The following USP38 variants were observed in gnomAD, a reference collection of about 807,000 sequenced individuals.
The protein encoded by USP38 is ubiquitin specific peptidase 38, also known as ubiquitin carboxyl-terminal hydrolase 38.
A neutral mutation model predicts 94.3 loss-of-function variants in USP38; 49 were observed. That is an observed-to-expected ratio of 0.52 (90% CI 0.41 to 0.66). The LOEUF is 0.66. USP38 is among the 30% of genes least tolerant of loss of function. USP38 has a pLI of 0.00. For missense variants in USP38, 1,128 were observed against 1,229.4 expected (o/e 0.92, Z 1.23); for synonymous variants, 468 against 463.6 (o/e 1.01, Z -0.12).
At position 143,195,734 on chromosome 4, in the gene USP38, C is replaced by A; in HGVS notation, c.837C>A (p.Ser279=). The part of the protein sequence containing the change: ...QALCRMIDWL[S]WPLAQHVDTW... The stretch of plus-strand genomic sequence containing the variant: ...ATTTCAGAATGATTGACTGGCTATC[C>A]TGGCCATTGGCTCAGCATGTGGATA... The change falls in exon 3 of 10, where the codon TCC becomes TCA. Residue 279 remains serine, a synonymous_variant. Coordinates refer to ENST00000307017, the MANE Select transcript of USP38 (RefSeq NM_032557.6). 2.5e-6 allele frequency: 4 copies of A among 1,602,724 alleles called. No homozygotes were observed. Among genetic ancestry groups the A allele is most frequent in the Non-Finnish European group, 3.4e-6 (4 of 1,175,898 alleles).
At position 143,195,919 on chromosome 4, in the gene USP38, C is replaced by T. The variant is rs1193758078; in HGVS notation, c.948+74C>T. On this transcript the variant is annotated intron_variant, in intron 3 of 9. Transcript: ENST00000307017. ...AATATTTTTTTCTTTGGGTGGTATC[C>T]TTGAAAGCATCTAATTTTGAATATG... 7 of 1,324,526 alleles carry T rather than the reference C, an allele frequency of 5.3e-6. No homozygotes were observed. The Admixed American group carries it at 1.1e-4, about 20-fold the overall frequency. 82.0% of individuals were successfully genotyped at this position (1,324,526 alleles called of 1,614,324 possible). A position where few individuals can be genotyped will look rare whatever the true frequency, so the allele number is the denominator to read the frequency against.
chr4:143,217,205 T>A (rs1420862027), intron 9 of USP38, among the ~76,000 whole-genome samples: 1 of 152,182 alleles, frequency 6.6e-6, no homozygotes, highest in Non-Finnish European at 1.5e-5. Context: ...AAGTACATGT[T>A]AAAAGACTAC....
At chr4:143,186,871 C>T (rs75726354) in intron 1 of USP38, among the ~76,000 whole-genome samples, 8,932 of 152,222 alleles carry the variant, frequency 0.059, 778 homozygotes, top group African/African-American at 0.19. Flanking sequence ...AAATCATGTT[C>T]ATTTCCGCTC....
Position 143,220,417 on chromosome 4 carries a change from T to C in USP38, c.3090T>C (p.Gly1030=), listed in dbSNP as rs1218214760. 2.5e-6 allele frequency: 4 copies of C among 1,612,334 alleles called. No homozygotes were observed. The African/African-American group carries it at 5.4e-5, about 22-fold the overall frequency. Residue 1030 remains glycine, a synonymous_variant, in exon 10 of 10, where the codon GGT becomes GGC. Coordinates refer to ENST00000307017, the MANE Select transcript of USP38 (RefSeq NM_032557.6). ...GCTGTGGACCAACTGGTGGAGGGGGTGGAGGAGGATTTAATACAGTTGGCA... is the reference window on the plus strand; with the variant it reads ...GCTGTGGACCAACTGGTGGAGGGGGCGGAGGAGGATTTAATACAGTTGGCA... ...PGSCGPTGGG[G]GGGFNTVGRL...
intron 6 of USP38, 53 bp from the exon 7 acceptor site, chr4:143,209,511 T>A: frequency 4.7e-6 from 5 of 1,068,948 alleles, no homozygotes; most frequent in Non-Finnish European, 6.6e-6. Context: ...AAGCTTTTAA[T>A]AAATGCATGT....
At chr4:143,213,209 T>C (rs1252545358) in intron 8 of USP38, among the ~76,000 whole-genome samples, 1 of 152,188 alleles carries the variant, frequency 6.6e-6, no homozygotes, top group Non-Finnish European at 1.5e-5. Flanking sequence ...TTGGGCTTGG[T>C]ATGTGCAGCC....
intron 2 of USP38, among the ~76,000 whole-genome samples, chr4:143,190,053 C>T (rs1022999124): frequency 6.6e-6 from 1 of 152,034 alleles, no homozygotes; most frequent in Non-Finnish European, 1.5e-5. Context: ...TTGTTCATCT[C>T]CTCATAATGT....
At chr4:143,194,058 C>T (rs550566219) in intron 2 of USP38, among the ~76,000 whole-genome samples, 3 of 152,066 alleles carry the variant, frequency 2.0e-5, no homozygotes, top group East Asian at 3.9e-4. Context: ...TGCTGCACTC[C>T]GGTCTGGGTG....
At chr4:143,203,590 T>C in intron 5 of USP38, 24 bp downstream of exon 5, 2 of 1,596,716 alleles carry the variant, frequency 1.3e-6, no homozygotes. Context: ...TGTACCAATA[T>C]TTGTGGAGTT....
chr4:143,205,183 A>G (rs998363558), intron 5 of USP38, among the ~76,000 whole-genome samples: 1 of 152,196 alleles, frequency 6.6e-6, no homozygotes, highest in Non-Finnish European at 1.5e-5. Flanking sequence ...GATAACTCAT[A>G]TAGGCTCAGA....
At position 143,187,681 on chromosome 4, in the gene USP38, G is replaced by C; in HGVS notation, c.683-145G>C. The C allele has an allele frequency of 4.0e-6, 3 of 753,316 alleles. No homozygotes were observed. The South Asian group carries it at 7.2e-5, about 18-fold the overall frequency. 46.7% of individuals were successfully genotyped at this position (753,316 alleles called of 1,614,324 possible). A position where few individuals can be genotyped will look rare whatever the true frequency, so the allele number is the denominator to read the frequency against. Reference sequence around the variant, plus strand: ...TAATTTAACATTCCTTGTAAATTAAGAGTCTACCCATGAGGGTGTAGCATA... The same window carrying C: ...TAATTTAACATTCCTTGTAAATTAACAGTCTACCCATGAGGGTGTAGCATA... On this transcript the variant is annotated intron_variant, in intron 1 of 9. Transcript: ENST00000307017.
At chr4:143,219,605 A>G (rs533198535) in intron 9 of USP38, among the ~76,000 whole-genome samples, 3 of 152,258 alleles carry the variant, frequency 2.0e-5, no homozygotes, top group Admixed American at 1.3e-4. Flanking sequence ...CCTCTCCCAG[A>G]AAAATAAGCA....
At chr4:143,205,969 A>T in intron 5 of USP38, 64 bp from the exon 6 acceptor site, 1 of 1,227,778 alleles carries the variant, frequency 8.1e-7, no homozygotes, top group Non-Finnish European at 1.1e-6. Flanking sequence ...GGTGTTAATT[A>T]ATTTAACAAC....
intron 3 of USP38, among the ~76,000 whole-genome samples, chr4:143,197,396 T>C (rs1477868104): frequency 6.6e-6 from 1 of 152,196 alleles, no homozygotes; most frequent in African/African-American, 2.4e-5. Flanking sequence ...TTACTTTTTA[T>C]TGTTTCTACC....
intron 2 of USP38, among the ~76,000 whole-genome samples, chr4:143,191,350 A>G (rs1731392019): frequency 6.6e-6 from 1 of 152,210 alleles, no homozygotes; most frequent in Admixed American, 6.5e-5. Flanking sequence ...GAGAAAACTG[A>G]TCATCAAGTC....
At chr4:143,203,883 A>G (rs1269624232) in intron 5 of USP38, among the ~76,000 whole-genome samples, 1 of 152,192 alleles carries the variant, frequency 6.6e-6, no homozygotes, top group East Asian at 1.9e-4. Context: ...TTGCACCCCA[A>G]TATTAGAAGT....
chr4:143,187,871 A>C lies in USP38; in HGVS notation c.728A>C (p.His243Pro). The change falls in exon 2 of 10, where the codon CAT (histidine) becomes CCT (proline). Residue 243 changes from histidine to proline, a missense_variant. Coordinates refer to ENST00000307017, the MANE Select transcript of USP38 (RefSeq NM_032557.6). The part of the protein sequence containing the change: ...PSVALASLVQ[H>P]IPLQMITVLI... ...GTAGCATTGGCAAGCCTTGTGCAGCATATTCCTCTTCAGATGATTACAGTT... is the reference window on the plus strand; with the variant it reads ...GTAGCATTGGCAAGCCTTGTGCAGCCTATTCCTCTTCAGATGATTACAGTT... The C allele has an allele frequency of 1.9e-6, 3 of 1,613,740 alleles. No homozygotes were observed. The highest frequency in any genetic ancestry group is 2.5e-6 in the Non-Finnish European group (3 of 1,179,764).
At chr4:143,200,530 C>T (rs1476202041) in intron 4 of USP38, among the ~76,000 whole-genome samples, 2 of 152,098 alleles carry the variant, frequency 1.3e-5, no homozygotes, top group East Asian at 3.9e-4. Context: ...AAGTCCTAGC[C>T]AGAGCAGTCA....
At chr4:143,186,869 T>A (rs1170126899) in intron 1 of USP38, among the ~76,000 whole-genome samples, 1 of 152,204 alleles carries the variant, frequency 6.6e-6, no homozygotes, top group African/African-American at 2.4e-5. Context: ...CAAAATCATG[T>A]TCATTTCCGC....
Sources: allele counts gnomAD v4.1 joint callset (sites outside exome capture counted in the v4.1 genomes callset), GRCh38; gene constraint gnomAD v4.1.1; transcripts MANE v1.5; gene names NCBI Gene and HGNC (gene_info 2026-07-23, HGNC 2026-07-21).